The following LRP1B variants were observed in gnomAD, a reference collection of about 807,000 sequenced individuals.
LRP1B encodes LDL receptor related protein 1B, also known as low-density lipoprotein receptor-related protein 1B.
Under a neutral mutation model 556.6 loss-of-function variants are expected in LRP1B, and 217 were observed. That is an observed-to-expected ratio of 0.39 (90% CI 0.35 to 0.44). The LOEUF is 0.44. Among genes scored for constraint, LRP1B ranks in the 20% least tolerant of loss-of-function variants. The pLI is 1.00. For synonymous variants in LRP1B, 2,047 were observed against 1,865.8 expected (o/e 1.10, Z -2.50); for missense variants, 5,053 against 5,620.8 (o/e 0.90, Z 3.23).
chr2:140,266,093 A>G (rs1311678598), intron 86 of LRP1B, among the ~76,000 whole-genome samples: 1 of 151,954 alleles, frequency 6.6e-6, no homozygotes, highest in Non-Finnish European at 1.5e-5. Context: ...TAAATACATT[A>G]GTCTTTCTTG....
At chr2:140,678,279 T>C (rs1374668216) in intron 41 of LRP1B, among the ~76,000 whole-genome samples, 2 of 152,220 alleles carry the variant, frequency 1.3e-5, no homozygotes, top group South Asian at 2.1e-4. Flanking sequence ...GGATTATATA[T>C]GTAAATCTGT....
At chr2:141,047,054 T>TTAATAA (rs70991134) in intron 11 of LRP1B, among the ~76,000 whole-genome samples, 9,268 of 70,518 alleles carry the variant, frequency 0.13, 364 homozygotes, top group Non-Finnish European at 0.19. Context: ...TGCACAAAAA[T>TTAATAA]TAATAATAAT....
chr2:141,460,039 A>G (rs1681798853), intron 3 of LRP1B, among the ~76,000 whole-genome samples: 1 of 152,198 alleles, frequency 6.6e-6, no homozygotes, highest in Non-Finnish European at 1.5e-5. Flanking sequence ...ATAAAGCACT[A>G]AAACAAATGT....
At chr2:141,505,506 A>C (rs942653661) in intron 2 of LRP1B, among the ~76,000 whole-genome samples, 3 of 152,108 alleles carry the variant, frequency 2.0e-5, no homozygotes, top group Non-Finnish European at 4.4e-5. Flanking sequence ...AAATTTTCAC[A>C]ATGAAGCTGT....
chr2:140,392,667 T>C (rs892214713), intron 66 of LRP1B, among the ~76,000 whole-genome samples: 5 of 152,096 alleles, frequency 3.3e-5, no homozygotes, highest in Admixed American at 1.3e-4. Context: ...TTTGTACTTT[T>C]AGTAGAGACC....
At chr2:141,505,103 A>G (rs28429982) in intron 2 of LRP1B, among the ~76,000 whole-genome samples, 3 of 148,392 alleles carry the variant, frequency 2.0e-5, no homozygotes, top group Non-Finnish European at 4.5e-5. Context: ...CTCTCTCTCT[A>G]TCTCTCTCTC....
intron 23 of LRP1B, among the ~76,000 whole-genome samples, chr2:140,888,603 A>C (rs1166881175): frequency 6.6e-6 from 1 of 151,998 alleles, no homozygotes; most frequent in Non-Finnish European, 1.5e-5. Flanking sequence ...ATGCATTTTA[A>C]TAATACACTT....
Position 141,599,736 on chromosome 2 carries a change from G to A in LRP1B, c.206-119203C>T, listed in dbSNP as rs566434524. Among the ~76,000 whole-genome samples, 79 of 151,682 alleles carry A rather than the reference G, an allele frequency of 5.2e-4. 1 individual carries two copies. The highest frequency in any genetic ancestry group is 2.7e-3 in the South Asian group (13 of 4,784). On this transcript the variant is annotated intron_variant, in intron 2 of 90. Coordinates refer to ENST00000389484, the MANE Select transcript of LRP1B (RefSeq NM_018557.3). ...AGAAACAAGACTATCAAAAACACTC[G>A]AATAGCAATTTAATTTTTTCTTGTT...
chr2:141,512,770 T>G (rs1574031236), intron 2 of LRP1B, among the ~76,000 whole-genome samples: 1 of 150,002 alleles, frequency 6.7e-6, no homozygotes, highest in Non-Finnish European at 1.5e-5. Flanking sequence ...CATCTTCAGT[T>G]AAAAAAAAAA....
Position 142,056,780 on chromosome 2 carries a change from G to A in LRP1B, c.82+73868C>T, listed in dbSNP as rs140802278. On this transcript the variant is annotated intron_variant, in intron 1 of 90. Transcript: ENST00000389484. ...TGTTTAATTTAATAAAAATTAATAT[G>A]AGAGAAATGTAGATCTTTCTTTTGT... Among the ~76,000 whole-genome samples, 1,262 of 152,106 alleles carry A rather than the reference G, an allele frequency of 8.3e-3. 18 individuals carry two copies. The highest frequency in any genetic ancestry group is 0.028 in the African/African-American group (1,180 of 41,502).
intron 1 of LRP1B, among the ~76,000 whole-genome samples, chr2:141,880,057 T>A (rs1347929138): frequency 6.7e-6 from 1 of 148,838 alleles, no homozygotes; most frequent in Non-Finnish European, 1.5e-5. Flanking sequence ...CTTTAGAAAT[T>A]AGAATTAGAC....
chr2:141,709,502 A>G (rs1476128217), intron 2 of LRP1B, among the ~76,000 whole-genome samples: 1 of 152,152 alleles, frequency 6.6e-6, no homozygotes, highest in Non-Finnish European at 1.5e-5. Context: ...GGAAGTACTA[A>G]TGATGCCTTA....
chr2:141,275,600 CTATT>C (rs1237183615), intron 3 of LRP1B, among the ~76,000 whole-genome samples: 4 of 152,122 alleles, frequency 2.6e-5, no homozygotes, highest in Non-Finnish European at 4.4e-5. Flanking sequence ...GTCTTGACTA[CTATT>C]TGGGAGGCTG....
At chr2:141,179,050 T>C (rs1680875740) in intron 7 of LRP1B, among the ~76,000 whole-genome samples, 1 of 152,216 alleles carries the variant, frequency 6.6e-6, no homozygotes, top group East Asian at 1.9e-4. Context: ...GTGTAGACTG[T>C]ATAAATTATA....
At chr2:140,664,935 A>G (rs985550739) in intron 41 of LRP1B, among the ~76,000 whole-genome samples, 8 of 152,158 alleles carry the variant, frequency 5.3e-5, no homozygotes, top group Non-Finnish European at 1.0e-4. Context: ...GTTTCATTTC[A>G]CTATAATTGC....
intron 1 of LRP1B, among the ~76,000 whole-genome samples, chr2:141,974,412 G>T (rs1274560677): frequency 6.6e-6 from 1 of 151,906 alleles, no homozygotes; most frequent in African/African-American, 2.4e-5. Context: ...AAGATTTAAG[G>T]TTTTCTGCTG....
intron 2 of LRP1B, among the ~76,000 whole-genome samples, chr2:141,774,381 G>A (rs3856362): frequency 3.3e-4 from 50 of 152,012 alleles, no homozygotes; most frequent in African/African-American, 1.1e-3. Flanking sequence ...TACATGGCGA[G>A]AGAGAGGGGA....
chr2:141,467,102 GTATATA>G (rs1384566758), intron 3 of LRP1B, among the ~76,000 whole-genome samples: 3 of 84,390 alleles, frequency 3.6e-5, no homozygotes, highest in African/African-American at 1.8e-4. Context: ...ATATATATGT[GTATATA>G]TATATATATA....
chr2:140,954,206 T>C (rs1695805682), intron 18 of LRP1B, among the ~76,000 whole-genome samples: 1 of 152,186 alleles, frequency 6.6e-6, no homozygotes, highest in African/African-American at 2.4e-5. Context: ...AGCACGAACG[T>C]TGTCCGAAAT....
Sources: allele counts gnomAD v4.1 joint callset (sites outside exome capture counted in the v4.1 genomes callset), GRCh38; gene constraint gnomAD v4.1.1; transcripts MANE v1.5; gene names NCBI Gene and HGNC (gene_info 2026-07-23, HGNC 2026-07-21).